The following CLSTN2 variants were observed in gnomAD, a reference collection of about 807,000 sequenced individuals.
CLSTN2 encodes calsyntenin-2.
A neutral mutation model predicts 101.2 loss-of-function variants in CLSTN2; 48 were observed. The ratio of observed to expected loss-of-function variants is 0.47; its 90% CI spans 0.38 to 0.60. The LOEUF is 0.60. CLSTN2 is among the 20% of genes least tolerant of loss of function. The pLI, the probability that CLSTN2 is intolerant of heterozygous loss-of-function variation, is 0.00. For synonymous variants in CLSTN2, 481 were observed against 463.6 expected (o/e 1.04, Z -0.48); for missense variants, 1,160 against 1,238.2 (o/e 0.94, Z 0.95).
intron 2 of CLSTN2, among the ~76,000 whole-genome samples, chr3:140,352,016 C>A (rs995091970): frequency 6.6e-6 from 1 of 152,048 alleles, no homozygotes; most frequent in African/African-American, 2.4e-5. Flanking sequence ...AGTAATATAC[C>A]TTGGCAAGAA....
At chr3:140,201,076 TA>T (rs2010712173) in intron 2 of CLSTN2, among the ~76,000 whole-genome samples, 1 of 152,232 alleles carries the variant, frequency 6.6e-6, no homozygotes, top group African/African-American at 2.4e-5. Context: ...CATAAAGCCC[TA>T]TACTTGTTGG....
chr3:140,495,021 T>G (rs1934434493), intron 8 of CLSTN2, among the ~76,000 whole-genome samples: 1 of 152,208 alleles, frequency 6.6e-6, no homozygotes, highest in African/African-American at 2.4e-5. Context: ...TGCCTCTAGA[T>G]TTTTGCAGAA....
chr3:140,141,358 C>A (rs1200187446), intron 1 of CLSTN2, among the ~76,000 whole-genome samples: 1 of 152,172 alleles, frequency 6.6e-6, no homozygotes, highest in African/African-American at 2.4e-5. Context: ...AACTGCTTGC[C>A]ATCAGCAGAA....
At position 140,573,431 on chromosome 3, in the gene CLSTN2, G is replaced by C. The variant is rs768726407; in HGVS notation, c.*7178G>C. ...ACAGCCTCATTTACAATTAGAATCTGTCTGGGCCTTCTGATTTCTAAAGTC... is the reference window on the plus strand; with the variant it reads ...ACAGCCTCATTTACAATTAGAATCTCTCTGGGCCTTCTGATTTCTAAAGTC... On this transcript the variant is annotated 3_prime_UTR_variant, in exon 17 of 17. Transcript: ENST00000458420. 3 of 152,162 alleles carry C rather than the reference G, an allele frequency of 2.0e-5. No homozygotes were observed. Among genetic ancestry groups the C allele is most frequent in the Non-Finnish European group, 4.4e-5 (3 of 68,024 alleles). The allele number at this position is 152,162 out of a possible 1,614,324, so 9.4% of individuals were successfully genotyped here. A position where few individuals can be genotyped will look rare whatever the true frequency, so the allele number is the denominator to read the frequency against.
intron 2 of CLSTN2, among the ~76,000 whole-genome samples, chr3:140,352,019 G>C (rs2087613311): frequency 6.6e-6 from 1 of 152,086 alleles, no homozygotes; most frequent in Non-Finnish European, 1.5e-5. Context: ...AATATACCTT[G>C]GCAAGAAAAT....
intron 1 of CLSTN2, among the ~76,000 whole-genome samples, chr3:140,096,916 G>A (rs2008878335): frequency 1.3e-5 from 2 of 152,306 alleles, no homozygotes; most frequent in Admixed American, 6.5e-5. Flanking sequence ...CACAGCCTTG[G>A]TGTAGCCCGC....
chr3:140,516,443 C>T (rs181916884), intron 8 of CLSTN2, among the ~76,000 whole-genome samples: 315 of 151,642 alleles, frequency 2.1e-3, no homozygotes, highest in Non-Finnish European at 3.5e-3. Flanking sequence ...GAGATTTATG[C>T]TTTAAGGATG....
intron 1 of CLSTN2, among the ~76,000 whole-genome samples, chr3:140,150,664 T>G (rs746487940): frequency 7.9e-5 from 12 of 152,146 alleles, no homozygotes; most frequent in Admixed American, 6.5e-5. Flanking sequence ...CCATTCAAAC[T>G]CTAGAGCATC....
chr3:140,500,705 T>C (rs1934559173), intron 8 of CLSTN2, among the ~76,000 whole-genome samples: 2 of 152,144 alleles, frequency 1.3e-5, no homozygotes. Flanking sequence ...GATAAAATCA[T>C]TGTACTTCTT....
At chr3:140,375,378 G>C (rs1285456337) in intron 2 of CLSTN2, among the ~76,000 whole-genome samples, 2 of 152,194 alleles carry the variant, frequency 1.3e-5, no homozygotes, top group Non-Finnish European at 2.9e-5. Flanking sequence ...TGGGTTGGCA[G>C]CTGTGGGAGG....
At chr3:140,304,041 A>G (rs1273634207) in intron 2 of CLSTN2, among the ~76,000 whole-genome samples, 2 of 152,146 alleles carry the variant, frequency 1.3e-5, no homozygotes, top group Non-Finnish European at 2.9e-5. Context: ...GGTGGTATGG[A>G]TTAAATGAGA....
chr3:140,385,539 TTTG>T (rs994908041), intron 2 of CLSTN2, among the ~76,000 whole-genome samples: 6 of 151,522 alleles, frequency 4.0e-5, no homozygotes, highest in African/African-American at 1.2e-4. Context: ...TGGCTAATTT[TTTG>T]TTGTTGTTGT....
chr3:140,179,447 G>C (rs947107457), intron 2 of CLSTN2, among the ~76,000 whole-genome samples: 1 of 149,952 alleles, frequency 6.7e-6, no homozygotes, highest in African/African-American at 2.5e-5. Context: ...GTAAGATCTT[G>C]TCTCTACAAA....
At chr3:140,511,391 A>G (rs1250871392) in intron 8 of CLSTN2, among the ~76,000 whole-genome samples, 1 of 152,128 alleles carries the variant, frequency 6.6e-6, no homozygotes, top group Non-Finnish European at 1.5e-5. Context: ...TGCAGTAATG[A>G]AATTGCTGGG....
At chr3:140,181,529 G>C (rs1309088330) in intron 2 of CLSTN2, among the ~76,000 whole-genome samples, 1 of 152,156 alleles carries the variant, frequency 6.6e-6, no homozygotes, top group Non-Finnish European at 1.5e-5. Context: ...TAGTGTAATG[G>C]TGTGGGACAG....
At chr3:140,027,199 G>A (rs921834765) in intron 1 of CLSTN2, among the ~76,000 whole-genome samples, 6 of 152,174 alleles carry the variant, frequency 3.9e-5, no homozygotes, top group African/African-American at 1.4e-4. Flanking sequence ...GCAGTGGGTT[G>A]GATTGAGTCT....
intron 1 of CLSTN2, among the ~76,000 whole-genome samples, chr3:140,073,854 T>C (rs755347675): frequency 6.6e-5 from 10 of 152,216 alleles, no homozygotes. Flanking sequence ...TATTTCTTGC[T>C]CTTGTTTTCC....
chr3:140,435,737 G>T (rs1320145452), intron 5 of CLSTN2, among the ~76,000 whole-genome samples: 3 of 152,080 alleles, frequency 2.0e-5, no homozygotes, highest in African/African-American at 7.2e-5. Context: ...ATTTGTTGTT[G>T]CCTGTCTTTT....
chr3:140,112,205 GT>G (rs2009167411), intron 1 of CLSTN2, among the ~76,000 whole-genome samples: 1 of 152,222 alleles, frequency 6.6e-6, no homozygotes, highest in African/African-American at 2.4e-5. Context: ...CTTATGTTCT[GT>G]GAGGGGGTGG....
Sources: gnomAD v4.1 joint callset for allele counts (sites outside exome capture counted in the v4.1 genomes callset) on GRCh38, gnomAD v4.1.1 for gene constraint, MANE v1.5 for transcripts, NCBI Gene and HGNC (gene_info 2026-07-23, HGNC 2026-07-21) for gene names.